The following SPRED2 variants were observed in gnomAD, a reference collection of about 807,000 sequenced individuals.
SPRED2 encodes the protein sprouty related EVH1 domain containing 2.
Under a neutral mutation model 43.0 loss-of-function variants are expected in SPRED2, and 47 were observed. That is an observed-to-expected ratio of 1.09 (90% CI 0.87 to 1.40). The LOEUF (loss-of-function observed/expected upper bound fraction) is 1.40. SPRED2 is among the 40% of genes most tolerant of loss of function. The pLI, the probability that SPRED2 is intolerant of heterozygous loss-of-function variation, is 0.00. For synonymous variants in SPRED2, 225 were observed against 225.7 expected, an observed-to-expected ratio of 1.00 and a Z score of 0.03; for missense variants, 561 against 586.4, an observed-to-expected ratio of 0.96 and a Z score of 0.45.
At chr2:65,406,288 C>T (rs1676022006) in intron 1 of SPRED2, among the ~76,000 whole-genome samples, 1 of 152,114 alleles carries the variant, frequency 6.6e-6, no homozygotes, top group Non-Finnish European at 1.5e-5. Context: ...ACTTGACACC[C>T]AAACTTACCA....
At chr2:65,366,745 G>A in intron 1 of SPRED2, 1 of 1,476,326 alleles carries the variant, frequency 6.8e-7, no homozygotes. Flanking sequence ...ATATGATTCA[G>A]TCTCCTTGAC....
chr2:65,426,007 C>G (rs890141140), intron 1 of SPRED2, among the ~76,000 whole-genome samples: 1 of 152,196 alleles, frequency 6.6e-6, no homozygotes, highest in African/African-American at 2.4e-5. Flanking sequence ...TGGAGTTCAT[C>G]AGCACAGCTG....
intron 2 of SPRED2, among the ~76,000 whole-genome samples, chr2:65,343,778 GA>G (rs1357441210): frequency 1.3e-5 from 2 of 152,110 alleles, no homozygotes; most frequent in African/African-American, 4.8e-5. Context: ...CATATATTAT[GA>G]AGTGTCAATC....
intron 4 of SPRED2, among the ~76,000 whole-genome samples, chr2:65,324,345 C>T (rs918459829): frequency 6.6e-6 from 1 of 152,090 alleles, no homozygotes; most frequent in African/African-American, 2.4e-5. Flanking sequence ...GATGGCTTGA[C>T]AATCAATCAA....
intron 1 of SPRED2, among the ~76,000 whole-genome samples, chr2:65,376,250 C>A (rs1021132161): frequency 6.6e-6 from 1 of 152,146 alleles, no homozygotes; most frequent in African/African-American, 2.4e-5. Flanking sequence ...CAGGAGCCAA[C>A]CATGTATTTA....
chr2:65,374,341 A>G (rs1472839362), intron 1 of SPRED2, among the ~76,000 whole-genome samples: 1 of 152,218 alleles, frequency 6.6e-6, no homozygotes, highest in Non-Finnish European at 1.5e-5. Flanking sequence ...GGAAGAGAAA[A>G]TTACAGCTGT....
intron 1 of SPRED2, chr2:65,378,033 G>A (rs185359439): frequency 9.3e-6 from 2 of 216,064 alleles, no homozygotes; most frequent in East Asian, 1.1e-4. Context: ...CCCACCAGAA[G>A]GGCTAAGGAA....
Position 65,349,066 on chromosome 2 carries a change from C to T in SPRED2, c.27-4170G>A, listed in dbSNP as rs549022287. On this transcript the variant is annotated intron_variant, in intron 1 of 5. Transcript: ENST00000356388. ...GCTCACGCCTGTAATCCCAGCACTT[C>T]GGGAGGCTGAGGCGGCCGGATCATG... 3.9e-5 allele frequency among the ~76,000 whole-genome samples: 6 copies of T among 152,040 alleles called. No homozygotes were observed. The East Asian group carries it at 5.8e-4, about 15-fold the overall frequency.
chr2:65,407,245 C>CTT lies in SPRED2; in HGVS notation c.26+24715_26+24716dup, dbSNP rs70943650. 3.1e-4 allele frequency among the ~76,000 whole-genome samples: 37 copies of CTT among 120,946 alleles called. 2 individuals carry two copies. Among genetic ancestry groups the CTT allele is most frequent in the Middle Eastern group, 8.8e-3 (2 of 226 alleles). The allele number at this position is 120,946 out of a possible 152,430, so 79.3% of individuals were successfully genotyped here. On this transcript the variant is annotated intron_variant, in intron 1 of 5. Coordinates refer to ENST00000356388, the MANE Select transcript of SPRED2 (RefSeq NM_181784.3). ...TCTTTCTCAAATGGGGCGCTGGCTCCTTTTTTTTTTTTTGCTAAAAGTCCC... is the reference window on the plus strand; with the variant it reads ...TCTTTCTCAAATGGGGCGCTGGCTCCTTTTTTTTTTTTTTTGCTAAAAGTCCC...
downstream of SPRED2, chr2:65,308,171 T>C (rs1215590102): frequency 2.7e-6 from 1 of 369,660 alleles, no homozygotes; most frequent in East Asian, 1.6e-4. Flanking sequence ...AGGCGTGACT[T>C]GCAGGAGGCG....
At chr2:65,408,216 G>A (rs536766136) in intron 1 of SPRED2, among the ~76,000 whole-genome samples, 4 of 152,254 alleles carry the variant, frequency 2.6e-5, no homozygotes, top group Admixed American at 6.5e-5. Flanking sequence ...ATGATCACCC[G>A]GCATGTATTA....
Position 65,312,312 on chromosome 2 carries a change from T to G in SPRED2, c.*1189A>C. The G allele has an allele frequency of 1.0e-6, 1 of 985,346 alleles. No homozygotes were observed. The highest frequency in any genetic ancestry group is 1.2e-6 in the Non-Finnish European group (1 of 829,902). 61.0% of individuals were successfully genotyped at this position (985,346 alleles called of 1,614,324 possible). A position where few individuals can be genotyped will look rare whatever the true frequency, so the allele number is the denominator to read the frequency against. ...TATGGCCTTGTTTTTTCCCCAAGTA[T>G]AAATGAGGAATTTGGTGATGTGAAA... is the stretch of plus-strand genomic sequence containing the variant. On this transcript the variant is annotated 3_prime_UTR_variant, in exon 6 of 6. Transcript: ENST00000356388.
chr2:65,327,932 CAG>C (rs1673691054), intron 4 of SPRED2, among the ~76,000 whole-genome samples: 1 of 151,850 alleles, frequency 6.6e-6, no homozygotes, highest in East Asian at 1.9e-4. Flanking sequence ...CCATGTTGGC[CAG>C]GCTGGTCTTG....
At chr2:65,334,197 C>A (rs1488021771) in intron 3 of SPRED2, 3 of 471,696 alleles carry the variant, frequency 6.4e-6, no homozygotes, top group Non-Finnish European at 1.3e-5. Context: ...ACACCCTGGG[C>A]CTCTGATTAC....
intron 1 of SPRED2, among the ~76,000 whole-genome samples, chr2:65,389,531 T>C (rs1346041760): frequency 2.6e-5 from 4 of 152,234 alleles, no homozygotes; most frequent in Non-Finnish European, 5.9e-5. Context: ...CAAACTTTGT[T>C]GTGTTATTTG....
At chr2:65,369,188 T>G (rs1572875535) in intron 1 of SPRED2, among the ~76,000 whole-genome samples, 1 of 152,308 alleles carries the variant, frequency 6.6e-6, no homozygotes, top group African/African-American at 2.4e-5. Context: ...GTGTTAACAC[T>G]GGGAAATGCC....
At chr2:65,384,535 C>T (rs2103659270) in intron 1 of SPRED2, among the ~76,000 whole-genome samples, 2 of 152,288 alleles carry the variant, frequency 1.3e-5, no homozygotes, top group Admixed American at 1.3e-4. Context: ...GAGCATTAAA[C>T]CAAGTGTGGG....
chr2:65,308,253 G>T, downstream of SPRED2: 4 of 955,894 alleles, frequency 4.2e-6, no homozygotes, highest in Non-Finnish European at 5.0e-6. Context: ...TCTGACCCAG[G>T]GCAAGTGCCA....
At chr2:65,401,822 TA>T (rs1225510673) in intron 1 of SPRED2, among the ~76,000 whole-genome samples, 2 of 150,570 alleles carry the variant, frequency 1.3e-5, no homozygotes, top group Non-Finnish European at 3.0e-5. Flanking sequence ...AATAAATAAA[TA>T]AAAAAGGAAG....
Sources: allele counts gnomAD v4.1 joint callset (sites outside exome capture counted in the v4.1 genomes callset), GRCh38; gene constraint gnomAD v4.1.1; transcripts MANE v1.5; gene names NCBI Gene and HGNC (gene_info 2026-07-23, HGNC 2026-07-21).